The following ALLC variants were observed in gnomAD, a reference collection of about 807,000 sequenced individuals.
The protein encoded by ALLC is allantoicase.
In ALLC, 40 loss-of-function variants were observed where a neutral mutation model predicts 45.0. The ratio of observed to expected loss-of-function variants is 0.89; its 90% CI spans 0.69 to 1.16. ALLC has a LOEUF of 1.16. Among genes scored for constraint, ALLC ranks in the 50% most tolerant of loss-of-function variants. The pLI is 0.00. For missense variants in ALLC, 488 were observed against 493.1 expected, an observed-to-expected ratio of 0.99 and a Z score of 0.10; for synonymous variants, 176 against 178.1, an observed-to-expected ratio of 0.99 and a Z score of 0.09.
At chr2:3,660,231 T>A (rs1370170504) in intron 1 of ALLC, among the ~76,000 whole-genome samples, 1 of 152,218 alleles carries the variant, frequency 6.6e-6, no homozygotes, top group Non-Finnish European at 1.5e-5. Context: ...CGCTTCCTCT[T>A]CTGCCCTGTG....
At position 3,695,851 on chromosome 2, in the gene ALLC, G is replaced by C. The variant is rs376920564; in HGVS notation, c.646G>C (p.Gly216Arg). 3.1e-6 allele frequency: 5 copies of C among 1,611,202 alleles called. No homozygotes were observed. Among genetic ancestry groups the C allele is most frequent in the Non-Finnish European group, 4.2e-6 (5 of 1,179,120 alleles). The change falls in exon 8 of 12, where the codon GGG becomes CGG. Residue 216 changes from glycine (G) to arginine (R), a missense_variant. Physicochemically the swap from Gly to Arg is moderately radical, Grantham distance 125 (BLOSUM62 -2). Coordinates refer to ENST00000252505, the MANE Select transcript of ALLC (RefSeq NM_018436.4). ...TGTAGGATTTAGTAATGCTAAGTTTGGGCACCCAAACAATATAATAGGTAA... is the reference window on the plus strand; with the variant it reads ...TGTAGGATTTAGTAATGCTAAGTTTCGGCACCCAAACAATATAATAGGTAA... ...VCVGFSNAKF[G>R]HPNNIIGVGG... is the part of the protein sequence containing the mutation.
the ALLC span, among the ~76,000 whole-genome samples, chr2:3,652,074 T>A: frequency 1.3e-5 from 2 of 152,182 alleles, no homozygotes; most frequent in East Asian, 3.9e-4. Flanking sequence ...AAAGGGAATT[T>A]GTTGAAAGCG....
chr2:3,700,644 G>T (rs1191248027), intron 10 of ALLC, among the ~76,000 whole-genome samples: 2 of 152,118 alleles, frequency 1.3e-5, no homozygotes, highest in African/African-American at 4.8e-5. Context: ...TAATATAGTA[G>T]GTTATATCAA....
chr2:3,649,095 G>T, the ALLC span, among the ~76,000 whole-genome samples: 4 of 152,170 alleles, frequency 2.6e-5, no homozygotes, highest in Non-Finnish European at 4.4e-5. Context: ...ACACGTCATA[G>T]GTTCTTGGAA....
chr2:3,685,763 G>C (rs1667321853), intron 7 of ALLC, among the ~76,000 whole-genome samples: 2 of 150,924 alleles, frequency 1.3e-5, no homozygotes, highest in African/African-American at 4.8e-5. Context: ...AAATATACCT[G>C]TTGCCCATTT....
At chr2:3,682,905 C>T (rs1335144358) in intron 6 of ALLC, 37 bp from the exon 7 acceptor site, 3 of 1,607,318 alleles carry the variant, frequency 1.9e-6, no homozygotes, top group Non-Finnish European at 2.5e-6. Flanking sequence ...TTATTGTTTT[C>T]AAGAGCAATT....
chr2:3,702,653 A>G lies in ALLC; in HGVS notation c.*90A>G, dbSNP rs1667896341. ...TGTTTTGAACACCTGGTGATTTAAT[A>G]AAGTGGTCGTCTCACAAATTGATCT... On this transcript the variant is annotated 3_prime_UTR_variant, in exon 12 of 12. Coordinates refer to ENST00000252505, the MANE Select transcript of ALLC (RefSeq NM_018436.4). The G allele has an allele frequency of 7.4e-7, 1 of 1,342,970 alleles. No homozygotes were observed. Among genetic ancestry groups the G allele is most frequent in the Non-Finnish European group, 9.9e-7 (1 of 1,005,030 alleles). The allele number at this position is 1,342,970 out of a possible 1,614,324, so 83.2% of individuals were successfully genotyped here. A position where few individuals can be genotyped will look rare whatever the true frequency, so the allele number is the denominator to read the frequency against.
chr2:3,670,100 G>T (rs1372247096), intron 1 of ALLC, among the ~76,000 whole-genome samples: 1 of 152,198 alleles, frequency 6.6e-6, no homozygotes, highest in Non-Finnish European at 1.5e-5. Context: ...CAGCCCGCAG[G>T]TGTGACCAAA....
the ALLC span, among the ~76,000 whole-genome samples, chr2:3,652,580 A>AT: frequency 0.059 from 5,532 of 93,194 alleles, 548 homozygotes; most frequent in East Asian, 0.26. Context: ...AAACTTTGTG[A>AT]TTTTTTTTTT....
At chr2:3,676,686 C>T (rs1667032073) in intron 3 of ALLC, among the ~76,000 whole-genome samples, 1 of 152,202 alleles carries the variant, frequency 6.6e-6, no homozygotes, top group African/African-American at 2.4e-5. Context: ...CTTGTTGATG[C>T]ACATTTAGGT....
intron 3 of ALLC, among the ~76,000 whole-genome samples, chr2:3,677,788 A>T (rs990647189): frequency 6.6e-6 from 1 of 152,178 alleles, no homozygotes; most frequent in East Asian, 1.9e-4. Context: ...GTAACGTAAG[A>T]TCCTCCTTGC....
chr2:3,691,916 C>T (rs916513047), intron 7 of ALLC, among the ~76,000 whole-genome samples: 4 of 152,024 alleles, frequency 2.6e-5, no homozygotes, highest in African/African-American at 7.2e-5. Context: ...TTTTTTGGTT[C>T]AGCAAATACG....
intron 2 of ALLC, among the ~76,000 whole-genome samples, chr2:3,671,863 G>C (rs1268719664): frequency 4.6e-5 from 5 of 107,662 alleles, no homozygotes; most frequent in South Asian, 3.1e-4. Context: ...CTGGTTAGAT[G>C]GGAGGTCCTC....
upstream of ALLC, among the ~76,000 whole-genome samples, chr2:3,656,051 G>A (rs923306512): frequency 6.6e-6 from 1 of 152,246 alleles, no homozygotes; most frequent in African/African-American, 2.4e-5. Context: ...CCTGAAGAGT[G>A]GACATTTCCT....
At chr2:3,681,159 T>C (rs13383368) in intron 5 of ALLC, among the ~76,000 whole-genome samples, 15,127 of 152,152 alleles carry the variant, frequency 0.099, 905 homozygotes, top group African/African-American at 0.14. Flanking sequence ...CAGGAAATGA[T>C]GCTACAAGAG....
chr2:3,649,329 C>T, the ALLC span, among the ~76,000 whole-genome samples: 1 of 151,750 alleles, frequency 6.6e-6, no homozygotes, highest in African/African-American at 2.4e-5. Flanking sequence ...GCAAACTCCA[C>T]CTCCTGGGTT....
intron 7 of ALLC, among the ~76,000 whole-genome samples, chr2:3,686,169 A>G (rs902096816): frequency 6.6e-6 from 1 of 151,150 alleles, no homozygotes; most frequent in East Asian, 2.0e-4. Flanking sequence ...GGTGAGAGAT[A>G]GGAGTCTAGT....
chr2:3,692,214 C>A (rs1455537300), intron 7 of ALLC, among the ~76,000 whole-genome samples: 2 of 152,216 alleles, frequency 1.3e-5, no homozygotes, highest in South Asian at 2.1e-4. Context: ...TTATTCCAGT[C>A]TTTTCTTTCT....
intron 3 of ALLC, among the ~76,000 whole-genome samples, chr2:3,678,195 A>G (rs566565002): frequency 6.6e-6 from 1 of 152,350 alleles, no homozygotes; most frequent in South Asian, 2.1e-4. Context: ...CGGCCCACAG[A>G]GTGCCTGGTG....
Sources: gnomAD v4.1 joint callset for allele counts (sites outside exome capture counted in the v4.1 genomes callset) on GRCh38, gnomAD v4.1.1 for gene constraint, MANE v1.5 for transcripts, NCBI Gene and HGNC (gene_info 2026-07-23, HGNC 2026-07-21) for gene names.